Variants in SLC2A14 observed in about 807,000 individuals in gnomAD.
SLC2A14 encodes solute carrier family 2, facilitated glucose transporter member 14.
Under a neutral mutation model 43.0 loss-of-function variants are expected in SLC2A14, and 13 were observed. The ratio of observed to expected loss-of-function variants is 0.30; its 90% confidence interval spans 0.20 to 0.48. The LOEUF (loss-of-function observed/expected upper bound fraction) is 0.48, where lower values mean the gene tolerates loss of function less well. Among genes scored for constraint, SLC2A14 ranks in the 20% least tolerant of loss-of-function variants. SLC2A14 has a pLI of 0.99. For synonymous variants in SLC2A14, 190 were observed against 233.8 expected, an observed-to-expected ratio of 0.81 and a Z score of 1.71; for missense variants, 428 against 620.4, an observed-to-expected ratio of 0.69 and a Z score of 3.29.
intron 2 of SLC2A14, among the ~76,000 whole-genome samples, chr12:7,866,854 AT>A (rs1944939828): frequency 6.6e-6 from 1 of 152,190 alleles, no homozygotes; most frequent in African/African-American, 2.4e-5. Context: ...AGCTAAGATA[AT>A]TGATAAAAGT....
chr12:7,885,659 G>A (rs973302720), intron 1 of SLC2A14, among the ~76,000 whole-genome samples: 23 of 151,326 alleles, frequency 1.5e-4, no homozygotes, highest in African/African-American at 5.1e-4. Flanking sequence ...CATGGGGAGT[G>A]AAAAAAGAAA....
intron 2 of SLC2A14, among the ~76,000 whole-genome samples, chr12:7,833,307 G>A (rs1865185926): frequency 6.6e-6 from 1 of 152,160 alleles, no homozygotes; most frequent in African/African-American, 2.4e-5. Context: ...CTGCTGGGTG[G>A]CTCTTTGAGT....
chr12:7,866,085 C>T (rs1043130986), intron 2 of SLC2A14, among the ~76,000 whole-genome samples: 2 of 151,798 alleles, frequency 1.3e-5, no homozygotes, highest in Admixed American at 6.6e-5. Flanking sequence ...GGCATGGTGG[C>T]GTGCGCTTGT....
In SLC2A14 at chr12:7,849,988, A is replaced by G. The variant is rs767365492; in HGVS notation, c.19-17174T>C. On this transcript the variant is annotated intron_variant, in intron 2 of 10. Transcript: ENST00000431042. ...AGGGAACCCAAAGTCCCTGACCTCAAAAGTTACAATGTGGTGCTGGAGGGG... is the reference window on the plus strand; with the variant it reads ...AGGGAACCCAAAGTCCCTGACCTCAGAAGTTACAATGTGGTGCTGGAGGGG... Among the ~76,000 whole-genome samples, 61 of 151,868 alleles carry G rather than the reference A, an allele frequency of 4.0e-4. 3 individuals carry two copies. The South Asian group carries it at 0.013, about 31-fold the overall frequency.
intron 2 of SLC2A14, among the ~76,000 whole-genome samples, chr12:7,857,187 T>C (rs994505045): frequency 2.2e-4 from 33 of 150,884 alleles, no homozygotes; most frequent in Non-Finnish European, 4.1e-4. Flanking sequence ...GAGGTGGAGG[T>C]TGCAGTGAGC....
At chr12:7,815,219 T>C (rs1431054446) in intron 10 of SLC2A14, among the ~76,000 whole-genome samples, 2 of 151,438 alleles carry the variant, frequency 1.3e-5, no homozygotes, top group African/African-American at 4.8e-5. Context: ...GAGACCAGCC[T>C]GGCCAACATG....
At chr12:7,814,634 A>G in intron 10 of SLC2A14, 100 bp from the exon 11 acceptor site, 1 of 1,238,160 alleles carries the variant, frequency 8.1e-7, no homozygotes, top group Non-Finnish European at 1.1e-6. Flanking sequence ...TTCAAGCTAT[A>G]ACCCTTCCAT....
intron 2 of SLC2A14, among the ~76,000 whole-genome samples, chr12:7,839,421 G>A (rs374334590): frequency 2.6e-5 from 4 of 152,262 alleles, no homozygotes; most frequent in Middle Eastern, 3.4e-3. Context: ...TGAAGCGGGG[G>A]CAGAGTGGCA....
chr12:7,837,231 T>C (rs779187302), intron 2 of SLC2A14, among the ~76,000 whole-genome samples: 11 of 152,184 alleles, frequency 7.2e-5, no homozygotes, highest in African/African-American at 2.6e-4. Flanking sequence ...TACATGTATA[T>C]CAAAACATCA....
chr12:7,879,930 T>C (rs1945536221), intron 1 of SLC2A14, among the ~76,000 whole-genome samples: 1 of 151,204 alleles, frequency 6.6e-6, no homozygotes. Context: ...CATTTGAACC[T>C]GGAAGGCGGA....
intron 2 of SLC2A14, among the ~76,000 whole-genome samples, chr12:7,842,953 C>T (rs1321537851): frequency 6.6e-6 from 1 of 152,054 alleles, no homozygotes; most frequent in Non-Finnish European, 1.5e-5. Flanking sequence ...GTCTCGAACT[C>T]CCGACCTCAG....
chr12:7,874,372 G>A (rs1248176540), upstream of SLC2A14, among the ~76,000 whole-genome samples: 1 of 151,996 alleles, frequency 6.6e-6, no homozygotes, highest in Non-Finnish European at 1.5e-5. Flanking sequence ...TTTGCAATCA[G>A]TATTTTAAAA....
At chr12:7,863,231 C>T (rs1944695579) in intron 2 of SLC2A14, 1 of 340,948 alleles carries the variant, frequency 2.9e-6, no homozygotes. Context: ...AGAGCTGCGA[C>T]ACTCACGGCG....
chr12:7,817,025 ATTTG>A (rs1424785571), intron 10 of SLC2A14, among the ~76,000 whole-genome samples: 1 of 151,932 alleles, frequency 6.6e-6, no homozygotes, highest in Non-Finnish European at 1.5e-5. Flanking sequence ...AAAACTTATG[ATTTG>A]TTTATTTCTG....
chr12:7,822,383 G>A (rs1863989251), intron 7 of SLC2A14, among the ~76,000 whole-genome samples: 1 of 151,904 alleles, frequency 6.6e-6, no homozygotes, highest in Admixed American at 6.6e-5. Flanking sequence ...ATATGAAGGT[G>A]TAGGCTGGGT....
intron 6 of SLC2A14, 143 bp from the exon 7 acceptor site, chr12:7,827,825 T>C: frequency 6.8e-7 from 1 of 1,474,500 alleles, no homozygotes; most frequent in East Asian, 2.4e-5. Context: ...ACCTCATTCT[T>C]TAGGGGCTGA....
At chr12:7,839,594 A>T (rs781008475) in intron 2 of SLC2A14, 1 of 272,696 alleles carries the variant, frequency 3.7e-6, no homozygotes, top group Non-Finnish European at 7.3e-6. Context: ...TCGTGTTTTT[A>T]AAAAAGTATG....
intron 10 of SLC2A14, 75 bp from the exon 11 acceptor site, chr12:7,814,609 A>T: frequency 1.4e-6 from 2 of 1,460,040 alleles, no homozygotes; most frequent in South Asian, 2.6e-5. Flanking sequence ...CTTCACATTC[A>T]TATTTCCAAT....
At chr12:7,886,016 A>T (rs1945681720) in intron 1 of SLC2A14, among the ~76,000 whole-genome samples, 1 of 149,354 alleles carries the variant, frequency 6.7e-6, no homozygotes, top group African/African-American at 2.5e-5. Context: ...ATGGAGTCTC[A>T]CTCTGTCGCT....
Sources: allele counts gnomAD v4.1 joint callset (sites outside exome capture counted in the v4.1 genomes callset), GRCh38; gene constraint gnomAD v4.1.1; transcripts MANE v1.5; gene names NCBI Gene and HGNC (gene_info 2026-07-23, HGNC 2026-07-21).